The following PHACTR4 variants were observed in gnomAD, a reference collection of about 807,000 sequenced individuals.
The protein encoded by PHACTR4 is phosphatase and actin regulator 4.
PHACTR4 carries 51 observed loss-of-function variants against 72.7 expected under a neutral mutation model. The observed-to-expected ratio is 0.70, with a 90% confidence interval of 0.56 to 0.89. PHACTR4 has a LOEUF of 0.89. Ranked by LOEUF, PHACTR4 falls within the 40% of genes least tolerant of loss-of-function variation. The pLI, the probability that PHACTR4 is intolerant of heterozygous loss-of-function variation, is 0.00. For missense variants in PHACTR4, 731 were observed against 861.8 expected (o/e 0.85, Z 1.90); for synonymous variants, 255 against 302.5 (o/e 0.84, Z 1.63).
At chr1:28,470,329 G>A (rs1469474815) in intron 6 of PHACTR4, among the ~76,000 whole-genome samples, 3 of 151,966 alleles carry the variant, frequency 2.0e-5, no homozygotes, top group Non-Finnish European at 4.4e-5. Context: ...GGAGTTCAAG[G>A]CTGCAGTGAG....
intron 1 of PHACTR4, among the ~76,000 whole-genome samples, chr1:28,392,727 A>T (rs1268537815): frequency 6.6e-6 from 1 of 152,140 alleles, no homozygotes; most frequent in Non-Finnish European, 1.5e-5. Flanking sequence ...AAGCAAAAAG[A>T]TGAAAGTTCT....
chr1:28,474,453 G>A (rs1659787551), intron 7 of PHACTR4, among the ~76,000 whole-genome samples: 1 of 150,004 alleles, frequency 6.7e-6, no homozygotes, highest in Non-Finnish European at 1.5e-5. Flanking sequence ...TAACAGGGAG[G>A]TGGAGGTTGC....
intron 1 of PHACTR4, 48 bp from the exon 2 acceptor site, chr1:28,407,362 G>A (rs1654420991): frequency 1.0e-6 from 1 of 1,000,664 alleles, no homozygotes; most frequent in Admixed American, 2.2e-5. Flanking sequence ...CATAAAAGGT[G>A]ATGGACTATA....
intron 2 of PHACTR4, among the ~76,000 whole-genome samples, chr1:28,427,227 A>G (rs1461485318): frequency 1.3e-5 from 2 of 152,110 alleles, no homozygotes; most frequent in Non-Finnish European, 2.9e-5. Context: ...ATTAGAACCA[A>G]TAACAGTATA....
chr1:28,400,376 TAAAA>T (rs60558818), intron 1 of PHACTR4, among the ~76,000 whole-genome samples: 3 of 129,408 alleles, frequency 2.3e-5, no homozygotes, highest in Admixed American at 1.6e-4. Context: ...CCATCTCAAT[TAAAA>T]AAAAAAAAAA....
intron 1 of PHACTR4, among the ~76,000 whole-genome samples, chr1:28,379,523 C>G (rs1255708901): frequency 6.6e-6 from 1 of 151,922 alleles, no homozygotes; most frequent in African/African-American, 2.4e-5. Flanking sequence ...ATCCATCCAC[C>G]TTGGCCTGCC....
intron 1 of PHACTR4, among the ~76,000 whole-genome samples, chr1:28,397,526 C>T (rs1021084448): frequency 1.3e-5 from 2 of 152,008 alleles, no homozygotes; most frequent in African/African-American, 2.4e-5. Context: ...ACGGGTCTAG[C>T]GTTACAGCAA....
At chr1:28,414,385 A>C (rs373025863) in intron 2 of PHACTR4, among the ~76,000 whole-genome samples, 1 of 72,842 alleles carries the variant, frequency 1.4e-5, no homozygotes, top group African/African-American at 4.9e-5. Context: ...TTTTCATTTT[A>C]TTTTTTTATT....
At chr1:28,450,909 C>G (rs1463092764) in intron 2 of PHACTR4, among the ~76,000 whole-genome samples, 4 of 148,568 alleles carry the variant, frequency 2.7e-5, no homozygotes, top group Non-Finnish European at 5.9e-5. Context: ...CTCCCGGGTT[C>G]AAGAGATTCT....
chr1:28,434,056 G>T (rs992509294), intron 2 of PHACTR4, among the ~76,000 whole-genome samples: 2 of 152,190 alleles, frequency 1.3e-5, no homozygotes, highest in East Asian at 3.9e-4. Context: ...GGGATTACAG[G>T]CGTGAGCCAC....
chr1:28,404,276 C>CTTTTTT (rs58454588), intron 1 of PHACTR4, among the ~76,000 whole-genome samples: 9 of 101,416 alleles, frequency 8.9e-5, no homozygotes, highest in Non-Finnish European at 1.5e-4. Context: ...TATGAACATC[C>CTTTTTT]TTTTTTTTTT....
chr1:28,385,808 T>TTTCA (rs1471057762), intron 1 of PHACTR4, among the ~76,000 whole-genome samples: 1 of 151,136 alleles, frequency 6.6e-6, no homozygotes, highest in Non-Finnish European at 1.5e-5. Flanking sequence ...AGAGACAGGG[T>TTTCA]TTCAGCATGT....
intron 2 of PHACTR4, among the ~76,000 whole-genome samples, chr1:28,410,261 C>T (rs908589557): frequency 7.8e-6 from 1 of 128,980 alleles, no homozygotes; most frequent in Admixed American, 8.8e-5. Context: ...CCACCGTGCC[C>T]AGCCACTTAT....
Position 28,493,106 on chromosome 1 carries a change from A to T in PHACTR4, c.2093+15A>T. The T allele has an allele frequency of 6.2e-7, 1 of 1,601,918 alleles. No homozygotes were observed. Among genetic ancestry groups the T allele is most frequent in the Non-Finnish European group, 8.6e-7 (1 of 1,168,996 alleles). ...CATTTTACACGGTAAGACCCAAAAGACCCAATCATATATGTGCTAGGTAGA... is the reference window on the plus strand; with the variant it reads ...CATTTTACACGGTAAGACCCAAAAGTCCCAATCATATATGTGCTAGGTAGA... On this transcript the variant is annotated intron_variant, in intron 13 of 13. Coordinates refer to ENST00000373839, the MANE Select transcript of PHACTR4 (RefSeq NM_001048183.3).
chr1:28,372,118 A>G (rs11247791), intron 1 of PHACTR4, among the ~76,000 whole-genome samples: 1 of 150,794 alleles, frequency 6.6e-6, no homozygotes, highest in Non-Finnish European at 1.5e-5. Context: ...CTCCTGACCT[A>G]AAGTAATTTA....
chr1:28,399,716 G>A (rs1324202851), intron 1 of PHACTR4, among the ~76,000 whole-genome samples: 2 of 151,992 alleles, frequency 1.3e-5, no homozygotes, highest in Non-Finnish European at 2.9e-5. Context: ...TAAGAACTTA[G>A]GTAAGCATAT....
chr1:28,424,959 A>C (rs1655746862), intron 2 of PHACTR4, among the ~76,000 whole-genome samples: 1 of 150,724 alleles, frequency 6.6e-6, no homozygotes, highest in African/African-American at 2.4e-5. Flanking sequence ...CACCCCGGCT[A>C]ATTTTTGTAT....
chr1:28,431,406 G>T (rs1656257836), intron 2 of PHACTR4, among the ~76,000 whole-genome samples: 1 of 149,992 alleles, frequency 6.7e-6, no homozygotes, highest in East Asian at 2.1e-4. Context: ...TGTTAGCCAG[G>T]ATGGTCTTGA....
intron 1 of PHACTR4, among the ~76,000 whole-genome samples, chr1:28,378,211 A>G (rs1651847968): frequency 6.9e-6 from 1 of 145,646 alleles, no homozygotes; most frequent in African/African-American, 2.6e-5. Flanking sequence ...AAAAAAAAAA[A>G]AAAAATTTGG....
Sources: allele counts gnomAD v4.1 joint callset (sites outside exome capture counted in the v4.1 genomes callset), GRCh38; gene constraint gnomAD v4.1.1; transcripts MANE v1.5; gene names NCBI Gene and HGNC (gene_info 2026-07-23, HGNC 2026-07-21).